Variants in FKBP1B observed in about 807,000 individuals in gnomAD.
FKBP1B encodes the protein FKBP prolyl isomerase 1B.
Under a neutral mutation model 13.5 loss-of-function variants are expected in FKBP1B, and 4 were observed. The observed-to-expected ratio is 0.30, with a 90% confidence interval of 0.15 to 0.68. The LOEUF is 0.68. FKBP1B is among the 30% of genes least tolerant of loss of function. The probability of loss-of-function intolerance (pLI) is 0.76; values close to 1 mark genes in which losing one functional copy is unlikely to be tolerated. For missense variants in FKBP1B, 93 were observed against 136.2 expected, an observed-to-expected ratio of 0.68 and a Z score of 1.58; for synonymous variants, 54 against 53.6, an observed-to-expected ratio of 1.01 and a Z score of -0.03.
At chr2:24,036,714 A>G in the FKBP1B span, among the ~76,000 whole-genome samples, 1 of 152,232 alleles carries the variant, frequency 6.6e-6, no homozygotes, top group Non-Finnish European at 1.5e-5. Flanking sequence ...CTAAATAAAG[A>G]GCATACTCTC....
the FKBP1B span, chr2:24,038,660 A>T: frequency 2.5e-6 from 4 of 1,614,250 alleles, no homozygotes; most frequent in Non-Finnish European, 3.4e-6. Flanking sequence ...GGTTCTAAAT[A>T]GGAAGAAGAA....
At chr2:24,034,074 T>C in the FKBP1B span, among the ~76,000 whole-genome samples, 73 of 152,384 alleles carry the variant, frequency 4.8e-4, no homozygotes, top group Non-Finnish European at 9.6e-4. Flanking sequence ...CTTTTGATTA[T>C]TGTGTAACTT....
the FKBP1B span, among the ~76,000 whole-genome samples, chr2:24,044,182 T>C: frequency 6.6e-6 from 1 of 151,892 alleles, no homozygotes; most frequent in Non-Finnish European, 1.5e-5. Context: ...AAATTCTGTC[T>C]AATGTCAATG....
At chr2:24,044,026 A>C in the FKBP1B span, among the ~76,000 whole-genome samples, 3 of 152,216 alleles carry the variant, frequency 2.0e-5, no homozygotes, top group Non-Finnish European at 1.5e-5. Context: ...GTCTTATGAA[A>C]GATAATAATG....
chr2:24,042,014 T>A, the FKBP1B span, among the ~76,000 whole-genome samples: 1 of 152,238 alleles, frequency 6.6e-6, no homozygotes, highest in East Asian at 1.9e-4. Flanking sequence ...AAAATTATAT[T>A]TTGAAATACT....
In FKBP1B at chr2:24,055,429, C is replaced by T. The variant is rs568602979; in HGVS notation, c.85+1480C>T. Among the ~76,000 whole-genome samples, 19 of 152,024 alleles carry T rather than the reference C, an allele frequency of 1.2e-4. No individual in the cohort carries two copies. In the South Asian group the frequency reaches 3.1e-3, roughly 25 times the overall value. On this transcript the variant is annotated intron_variant, in intron 2 of 3. Transcript: ENST00000380986. ...CTCACTATGTTGCCCGGGCTGGTCT[C>T]GAACGCCTGTATGCAAGTGATCCTT...
At chr2:24,045,595 C>A (rs1489276752), upstream of FKBP1B, among the ~76,000 whole-genome samples, 1 of 77,802 alleles carries the variant, frequency 1.3e-5, no homozygotes. Context: ...AGCAAGACTC[C>A]ATCTCAAAAA....
At chr2:24,060,136 A>AT (rs1442941481) in intron 2 of FKBP1B, among the ~76,000 whole-genome samples, 4 of 150,302 alleles carry the variant, frequency 2.7e-5, no homozygotes, top group African/African-American at 4.9e-5. Flanking sequence ...AAAAAAAAAA[A>AT]TCAGTCTGGA....
At chr2:24,041,658 G>C in the FKBP1B span, among the ~76,000 whole-genome samples, 1 of 151,794 alleles carries the variant, frequency 6.6e-6, no homozygotes, top group African/African-American at 2.4e-5. Flanking sequence ...TTCGAGACCA[G>C]CCTGGCCAAC....
chr2:24,037,747 T>G, the FKBP1B span: 2 of 1,614,248 alleles, frequency 1.2e-6, no homozygotes, highest in Non-Finnish European at 1.7e-6. Flanking sequence ...CTTCCCATTA[T>G]GCAGACGGTT....
chr2:24,037,057 T>A, the FKBP1B span, among the ~76,000 whole-genome samples: 1 of 152,276 alleles, frequency 6.6e-6, no homozygotes, highest in Non-Finnish European at 1.5e-5. Flanking sequence ...AGACGGAGTC[T>A]CGCCCTGTTG....
chr2:24,059,781 G>A (rs182854934), intron 2 of FKBP1B, among the ~76,000 whole-genome samples: 134 of 150,658 alleles, frequency 8.9e-4, no homozygotes, highest in Non-Finnish European at 1.5e-3. Flanking sequence ...TGTAGTCCCA[G>A]CTACTCAGGA....
chr2:24,042,763 C>T, the FKBP1B span, among the ~76,000 whole-genome samples: 4 of 150,274 alleles, frequency 2.7e-5, no homozygotes, highest in South Asian at 2.1e-4. Flanking sequence ...CCAGGCGCGG[C>T]GGCTCACGCC....
intron 3 of FKBP1B, among the ~76,000 whole-genome samples, chr2:24,061,402 A>G (rs1016966846): frequency 6.6e-6 from 1 of 152,140 alleles, no homozygotes; most frequent in Non-Finnish European, 1.5e-5. Context: ...TGCAGTGAGC[A>G]GAGATTGTGC....
intron 2 of FKBP1B, 112 bp from the exon 3 acceptor site, chr2:24,060,702 G>A (rs751839997): frequency 4.1e-5 from 30 of 725,794 alleles, no homozygotes; most frequent in Middle Eastern, 2.4e-4. Context: ...GGGGAGGATC[G>A]GAAGAGGAGC....
At chr2:24,047,258 G>C (rs1285065161), upstream of FKBP1B, 8 of 150,874 alleles carry the variant, frequency 5.3e-5, no homozygotes, top group Admixed American at 2.6e-4. Context: ...CTTCCCTCCT[G>C]ACCCCCTACA....
chr2:24,033,614 A>G, the FKBP1B span, among the ~76,000 whole-genome samples: 1 of 151,738 alleles, frequency 6.6e-6, no homozygotes, highest in African/African-American at 2.4e-5. Flanking sequence ...GGTGGTACAC[A>G]CTTGTAGTCC....
chr2:24,039,551 C>A, the FKBP1B span: 1 of 1,553,736 alleles, frequency 6.4e-7, no homozygotes, highest in South Asian at 1.2e-5. Context: ...CATGAGAAAT[C>A]TAGACAAATC....
the FKBP1B span, among the ~76,000 whole-genome samples, chr2:24,043,781 C>CT: frequency 6.6e-6 from 1 of 152,032 alleles, no homozygotes; most frequent in Admixed American, 6.6e-5. Flanking sequence ...TCTTCAGACT[C>CT]TAAATCCAAT....
Sources: allele counts gnomAD v4.1 joint callset (sites outside exome capture counted in the v4.1 genomes callset), GRCh38; gene constraint gnomAD v4.1.1; transcripts MANE v1.5; gene names NCBI Gene and HGNC (gene_info 2026-07-23, HGNC 2026-07-21).